GLE1: variants seen among roughly 807,000 people sequenced by gnomAD.
The protein encoded by GLE1 is GLE1 RNA export mediator.
GLE1 carries 78 observed loss-of-function variants against 97.3 expected under a neutral mutation model. That is an observed-to-expected ratio of 0.80 (90% CI 0.67 to 0.97). GLE1 has a LOEUF of 0.97. Ranked by LOEUF, GLE1 falls within the 50% of genes least tolerant of loss-of-function variation. GLE1 has a pLI of 0.00. For missense variants in GLE1, 753 were observed against 857.5 expected, an observed-to-expected ratio of 0.88 and a Z score of 1.52; for synonymous variants, 302 against 313.4, an observed-to-expected ratio of 0.96 and a Z score of 0.39.
intron 13 of GLE1, among the ~76,000 whole-genome samples, chr9:128,539,015 C>A (rs531294360): frequency 6.6e-6 from 1 of 152,030 alleles, no homozygotes; most frequent in Non-Finnish European, 1.5e-5. Context: ...CCAAGGCAGG[C>A]GGATCACTTG....
intron 9 of GLE1, among the ~76,000 whole-genome samples, chr9:128,531,452 A>T (rs972384410): frequency 1.3e-5 from 2 of 150,838 alleles, no homozygotes; most frequent in Non-Finnish European, 3.0e-5. Flanking sequence ...ACTTCAACCC[A>T]GGAGCGGAGG....
Position 128,527,488 on chromosome 9 carries a change from T to C in GLE1, c.1275T>C (p.Ala425=). The C allele has an allele frequency of 6.2e-7, 1 of 1,613,414 alleles. No individual in the cohort carries two copies. The highest frequency in any genetic ancestry group is 1.1e-5 in the South Asian group (1 of 91,060). ...AGATAAAGATGGACCTCCAGAAGGCTGCTACCATCCCAGTGAGCCAAATCT... is the reference window on the plus strand; with the variant it reads ...AGATAAAGATGGACCTCCAGAAGGCCGCTACCATCCCAGTGAGCCAAATCT... ...AKKIKMDLQK[A]ATIPVSQIST... Residue 425 remains alanine, a synonymous_variant, in exon 9 of 16, where the codon GCT becomes GCC. Transcript: ENST00000309971.
intron 9 of GLE1, among the ~76,000 whole-genome samples, chr9:128,529,854 G>T (rs1454954150): frequency 6.6e-6 from 1 of 151,684 alleles, no homozygotes; most frequent in African/African-American, 2.4e-5. Context: ...TCGGCTCAGT[G>T]CAAGCTCCAC....
intron 4 of GLE1, 136 bp downstream of exon 4, chr9:128,522,952 T>C (rs377596147): frequency 9.1e-7 from 1 of 1,096,874 alleles, no homozygotes; most frequent in East Asian, 2.6e-5. Flanking sequence ...GAGAATTTTA[T>C]AACCTGGAAA....
At position 128,540,268 on chromosome 9, in the gene GLE1, C is replaced by A; in HGVS notation, c.1965-7C>A. On this transcript the variant is annotated splice_polypyrimidine_tract_variant and splice_region_variant and intron_variant, in intron 14 of 15. Coordinates refer to ENST00000309971, the MANE Select transcript of GLE1 (RefSeq NM_001003722.2). ...GGTGTGATTCATGTGTCTTTCTCTC[C>A]CTGTAGAATTGAAGCTATCACAAGC... is the stretch of plus-strand genomic sequence containing the variant. The A allele has an allele frequency of 5.1e-6, 8 of 1,583,392 alleles. No individual in the cohort carries two copies. The highest frequency in any genetic ancestry group is 6.9e-6 in the Non-Finnish European group (8 of 1,152,162).
In GLE1 at chr9:128,538,021, G is replaced by C. The variant is rs1193539062; in HGVS notation, c.1812G>C (p.Trp604Cys). The C allele has an allele frequency of 6.2e-7, 1 of 1,612,726 alleles. No homozygotes were observed. The highest frequency in any genetic ancestry group is 1.1e-5 in the South Asian group (1 of 91,052). Residue 604 changes from tryptophan (W) to cysteine (C), a missense_variant, in exon 13 of 16, where the codon TGG (tryptophan) becomes TGC (cysteine). Physicochemically the swap from Trp to Cys is radical, Grantham distance 215. Coordinates refer to ENST00000309971, the MANE Select transcript of GLE1 (RefSeq NM_001003722.2). ...ATGGCTTAAATCATGGATGGCGCTG[G>C]TTGGCACAGATCTTAAACATGGAGC... Reference protein sequence around the residue: ...HPHGLNHGWRWLAQILNMEPL... With the variant: ...HPHGLNHGWRCLAQILNMEPL...
intron 9 of GLE1, among the ~76,000 whole-genome samples, chr9:128,528,033 T>C (rs1387582270): frequency 2.9e-5 from 4 of 137,766 alleles, no homozygotes; most frequent in Non-Finnish European, 4.7e-5. Context: ...AGAGTCTTGC[T>C]CTGTCGCCCA....
intron 2 of GLE1, among the ~76,000 whole-genome samples, chr9:128,511,375 G>A (rs1000018377): frequency 2.0e-5 from 3 of 150,540 alleles, no homozygotes; most frequent in African/African-American, 4.9e-5. Context: ...ACGTCTTAAG[G>A]AAAAAAAGGA....
At chr9:128,537,934 TA>T (rs1847768959) in intron 12 of GLE1, 51 bp from the exon 13 acceptor site, 4 of 1,057,278 alleles carry the variant, frequency 3.8e-6, no homozygotes, top group Non-Finnish European at 4.4e-6. Flanking sequence ...ACTGGGAGTT[TA>T]GATTTCTAAA....
At chr9:128,525,541 T>G (rs933132586) in intron 7 of GLE1, 118 bp downstream of exon 7, 4 of 748,108 alleles carry the variant, frequency 5.3e-6, no homozygotes, top group Admixed American at 2.1e-5. Context: ...TTTTATGTAA[T>G]GTATTTCATT....
chr9:128,515,040 C>T (rs1056950052), intron 2 of GLE1, among the ~76,000 whole-genome samples: 52 of 152,156 alleles, frequency 3.4e-4, no homozygotes, highest in African/African-American at 1.2e-3. Context: ...AGGATGGTCT[C>T]GAACTCCTGA....
intron 1 of GLE1, among the ~76,000 whole-genome samples, chr9:128,508,373 C>T (rs1210486776): frequency 6.6e-6 from 1 of 152,124 alleles, no homozygotes; most frequent in African/African-American, 2.4e-5. Flanking sequence ...TCACTGCACT[C>T]CAGCCTGGGT....
Position 128,515,942 on chromosome 9 carries a change from A to G in GLE1, c.432+303A>G, listed in dbSNP as rs1306537281. On this transcript the variant is annotated intron_variant, in intron 3 of 15. Coordinates refer to ENST00000309971, the MANE Select transcript of GLE1 (RefSeq NM_001003722.2). Reference sequence around the variant, plus strand: ...GATAAGCTTATTCTGAGAAAATGGGACCTTAGCCTCTTTTTTTTTTTTTTT... The same window carrying G: ...GATAAGCTTATTCTGAGAAAATGGGGCCTTAGCCTCTTTTTTTTTTTTTTT... Among the ~76,000 whole-genome samples, 5 of 146,232 alleles carry G rather than the reference A, an allele frequency of 3.4e-5. No individual in the cohort carries two copies. The East Asian group carries it at 1.0e-3, about 30-fold the overall frequency.
chr9:128,536,479 C>T lies in GLE1; in HGVS notation c.1771C>T (p.Gln591Ter), dbSNP rs1847714893. 2.5e-6 allele frequency: 4 copies of T among 1,613,178 alleles called. No homozygotes were observed. Among genetic ancestry groups the T allele is most frequent in the East Asian group, 2.2e-5 (1 of 44,862 alleles). The change falls in exon 12 of 16, where the codon CAG becomes TAG. Residue 591 changes from glutamine to a stop codon, truncating the protein, a stop_gained. Transcript: ENST00000309971. LOFTEE classifies it high-confidence loss of function. Reference protein sequence around the residue: ...IQLRWPYGNRQEIHPHGLNHG... With the variant: ...IQLRWPYGNR The stretch of plus-strand genomic sequence containing the variant: ...GCTCCGGTGGCCATATGGAAACCGA[C>T]AGGAGGTAGGTAAAAGAGGCTTACT...
chr9:128,506,969 T>G (rs1589038893), intron 1 of GLE1, among the ~76,000 whole-genome samples: 1 of 152,300 alleles, frequency 6.6e-6, no homozygotes, highest in East Asian at 1.9e-4. Context: ...ACTACTCTAG[T>G]TTTTTCATTT....
chr9:128,518,487 G>A (rs1365743075), intron 3 of GLE1, among the ~76,000 whole-genome samples: 1 of 152,020 alleles, frequency 6.6e-6, no homozygotes, highest in Non-Finnish European at 1.5e-5. Context: ...CTCGAACCTG[G>A]GAGGTGGAGG....
intron 2 of GLE1, among the ~76,000 whole-genome samples, chr9:128,509,899 C>G (rs968287735): frequency 2.0e-5 from 3 of 152,154 alleles, no homozygotes; most frequent in African/African-American, 7.2e-5. Flanking sequence ...TTTGAGACTA[C>G]AGTGAGCTGT....
chr9:128,516,040 T>G (rs561706705), intron 3 of GLE1, among the ~76,000 whole-genome samples: 331 of 149,180 alleles, frequency 2.2e-3, no homozygotes, highest in African/African-American at 8.1e-3. Context: ...CACTGCAACC[T>G]CCACCTCCCA....
At chr9:128,530,998 CAA>C (rs1415212457) in intron 9 of GLE1, among the ~76,000 whole-genome samples, 1 of 151,236 alleles carries the variant, frequency 6.6e-6, no homozygotes, top group Non-Finnish European at 1.5e-5. Context: ...GGGTGGATCA[CAA>C]GGTCAGGAGT....
Sources: allele counts gnomAD v4.1 joint callset (sites outside exome capture counted in the v4.1 genomes callset), GRCh38; gene constraint gnomAD v4.1.1; transcripts MANE v1.5; gene names NCBI Gene and HGNC (gene_info 2026-07-23, HGNC 2026-07-21).